SPAG16: variants seen among roughly 807,000 people sequenced by gnomAD.
SPAG16 encodes the protein sperm associated antigen 16.
SPAG16 carries 86 observed loss-of-function variants against 80.4 expected under a neutral mutation model. The ratio of observed to expected loss-of-function variants is 1.07; its 90% CI spans 0.90 to 1.28. The LOEUF is 1.28. Ranked by LOEUF, SPAG16 falls within the 50% of genes most tolerant of loss-of-function variation. SPAG16 has a pLI of 0.00. For synonymous variants in SPAG16, 294 were observed against 265.9 expected (o/e 1.11, Z -1.03); for missense variants, 870 against 765.3 (o/e 1.14, Z -1.61).
At position 213,528,925 on chromosome 2, in the gene SPAG16, T is replaced by C. The variant is rs370803061; in HGVS notation, c.1070+38835T>C. On this transcript the variant is annotated intron_variant, in intron 10 of 15. Coordinates refer to ENST00000331683, the MANE Select transcript of SPAG16 (RefSeq NM_024532.5). Reference sequence around the variant, plus strand: ...TCTAAATGAAAGAAGTATTAACTAATCTGAAATTATAGATTCTTGAAAAAT... The same window carrying C: ...TCTAAATGAAAGAAGTATTAACTAACCTGAAATTATAGATTCTTGAAAAAT... 6.1e-4 allele frequency among the ~76,000 whole-genome samples: 93 copies of C among 152,332 alleles called. 1 individual carries two copies. The East Asian group carries it at 0.018, about 29-fold the overall frequency.
rs148536608 is a variant in SPAG16 at position 213,804,818 on chromosome 2, G to T, written c.1071-57667G>T. ...CAAGAGAAGACGGATGTGCCTGAAA[G>T]GAGAGAGCTCTGGGAAATTTGACAC... is the stretch of plus-strand genomic sequence containing the variant. On this transcript the variant is annotated intron_variant, in intron 10 of 15. Transcript: ENST00000331683. Among the ~76,000 whole-genome samples the T allele has an allele frequency of 8.3e-4, 127 of 152,326 alleles. 1 individual carries two copies. The highest frequency in any genetic ancestry group is 2.8e-3 in the African/African-American group (118 of 41,570).
chr2:213,435,253 G>A (rs1288709837), intron 9 of SPAG16, among the ~76,000 whole-genome samples: 3 of 152,148 alleles, frequency 2.0e-5, no homozygotes, highest in Admixed American at 6.5e-5. Flanking sequence ...GTGAATTGCA[G>A]GTCATTATCT....
chr2:213,903,028 C>T (rs895594664), intron 11 of SPAG16, among the ~76,000 whole-genome samples: 1 of 152,146 alleles, frequency 6.6e-6, no homozygotes, highest in African/African-American at 2.4e-5. Flanking sequence ...AGGTGGGTTC[C>T]CATGGTCTTG....
intron 12 of SPAG16, among the ~76,000 whole-genome samples, chr2:213,938,602 C>CACTATT (rs2079080365): frequency 6.6e-6 from 1 of 151,834 alleles, no homozygotes; most frequent in African/African-American, 2.4e-5. Context: ...AGACAACAAC[C>CACTATT]ACTATTATTA....
At chr2:213,416,702 C>T (rs777178832) in intron 9 of SPAG16, among the ~76,000 whole-genome samples, 2 of 152,036 alleles carry the variant, frequency 1.3e-5, no homozygotes, top group South Asian at 2.1e-4. Flanking sequence ...TAAAGAGGAG[C>T]GTTTTGTATT....
intron 13 of SPAG16, among the ~76,000 whole-genome samples, chr2:214,047,837 C>G (rs1485942847): frequency 6.6e-6 from 1 of 151,700 alleles, no homozygotes; most frequent in Non-Finnish European, 1.5e-5. Context: ...TCAAACAACT[C>G]TATAAAAAAT....
At chr2:214,214,118 A>G (rs1461308083) in intron 15 of SPAG16, among the ~76,000 whole-genome samples, 3 of 151,602 alleles carry the variant, frequency 2.0e-5, no homozygotes, top group Non-Finnish European at 2.9e-5. Context: ...TTGCTTTCTT[A>G]TATCTCCATG....
intron 10 of SPAG16, among the ~76,000 whole-genome samples, chr2:213,848,749 G>C (rs573637010): frequency 6.6e-6 from 1 of 151,980 alleles, no homozygotes; most frequent in East Asian, 1.9e-4. Context: ...GCAAGTTATC[G>C]CCCCTTGCAG....
intron 10 of SPAG16, among the ~76,000 whole-genome samples, chr2:213,842,760 G>C (rs1334659000): frequency 6.6e-6 from 1 of 151,974 alleles, no homozygotes; most frequent in Non-Finnish European, 1.5e-5. Context: ...TATGTTTTAG[G>C]TGCTATTATT....
chr2:214,268,590 ACTCAAT>A (rs1476172599), intron 15 of SPAG16, among the ~76,000 whole-genome samples: 1 of 151,900 alleles, frequency 6.6e-6, no homozygotes, highest in African/African-American at 2.4e-5. Context: ...TCATCCAAAA[ACTCAAT>A]ATTTTATCTT....
At chr2:213,696,841 C>T (rs2065174398) in intron 10 of SPAG16, among the ~76,000 whole-genome samples, 1 of 152,082 alleles carries the variant, frequency 6.6e-6, no homozygotes, top group Admixed American at 6.6e-5. Context: ...GACAACTCTT[C>T]TTGTAAGTTT....
intron 15 of SPAG16, among the ~76,000 whole-genome samples, chr2:214,198,863 A>T (rs1443106024): frequency 6.6e-6 from 1 of 152,058 alleles, no homozygotes; most frequent in East Asian, 1.9e-4. Flanking sequence ...AGGGATATTG[A>T]GCATTTTTTC....
chr2:213,933,747 G>A (rs776890611), intron 12 of SPAG16, among the ~76,000 whole-genome samples: 3 of 152,160 alleles, frequency 2.0e-5, no homozygotes, highest in African/African-American at 7.2e-5. Context: ...TAAGTGTATT[G>A]TGTCCAATAC....
At chr2:213,756,164 T>G (rs1191138935) in intron 10 of SPAG16, among the ~76,000 whole-genome samples, 1 of 151,856 alleles carries the variant, frequency 6.6e-6, no homozygotes, top group Admixed American at 6.6e-5. Context: ...ATTTTAGCAA[T>G]CCAATAGGTG....
intron 10 of SPAG16, among the ~76,000 whole-genome samples, chr2:213,611,818 T>G (rs1191081224): frequency 6.6e-6 from 1 of 152,178 alleles, no homozygotes; most frequent in African/African-American, 2.4e-5. Context: ...TGTTTCATAT[T>G]GTTTTACAAT....
intron 12 of SPAG16, among the ~76,000 whole-genome samples, chr2:213,963,006 T>C (rs528840703): frequency 5.2e-4 from 79 of 152,196 alleles, no homozygotes; most frequent in African/African-American, 1.9e-3. Flanking sequence ...TTTATTGATT[T>C]TTTCTATTGT....
intron 15 of SPAG16, among the ~76,000 whole-genome samples, chr2:214,270,078 G>A (rs754338350): frequency 2.8e-4 from 43 of 152,024 alleles, no homozygotes; most frequent in Non-Finnish European, 5.9e-4. Context: ...CTTTAAAATT[G>A]GAATTTCATC....
At chr2:213,816,713 T>G (rs2072562304) in intron 10 of SPAG16, among the ~76,000 whole-genome samples, 1 of 152,094 alleles carries the variant, frequency 6.6e-6, no homozygotes, top group African/African-American at 2.4e-5. Context: ...AGGCATATTG[T>G]TTTCTAGGCC....
intron 10 of SPAG16, among the ~76,000 whole-genome samples, chr2:213,720,532 G>A (rs1378850315): frequency 6.6e-6 from 1 of 150,788 alleles, no homozygotes; most frequent in African/African-American, 2.4e-5. Flanking sequence ...CAGCTACTCC[G>A]AAGGCTGAGG....
Sources: allele counts gnomAD v4.1 joint callset (sites outside exome capture counted in the v4.1 genomes callset), GRCh38; gene constraint gnomAD v4.1.1; transcripts MANE v1.5; gene names NCBI Gene and HGNC (gene_info 2026-07-23, HGNC 2026-07-21).